CRBN: variants seen among roughly 807,000 people sequenced by gnomAD.
CRBN encodes cereblon.
In CRBN, 53 loss-of-function variants were observed where a neutral mutation model predicts 62.2. The observed-to-expected ratio is 0.85, with a 90% CI of 0.68 to 1.07. The LOEUF is 1.07. Among genes scored for constraint, CRBN ranks in the 50% least tolerant of loss-of-function variants. CRBN has a pLI of 0.00. For missense variants in CRBN, 616 were observed against 531.1 expected (o/e 1.16, Z -1.57); for synonymous variants, 208 against 176.1 (o/e 1.18, Z -1.43).
chr3:3,165,567 A>G (rs568906048), intron 5 of CRBN, among the ~76,000 whole-genome samples: 3 of 152,216 alleles, frequency 2.0e-5, no homozygotes, highest in African/African-American at 7.2e-5. Flanking sequence ...TGTATTTTTT[A>G]GCAATAAAGT....
chr3:3,155,170 G>T, intron 6 of CRBN: 1 of 269,670 alleles, frequency 3.7e-6, no homozygotes, highest in South Asian at 6.8e-5. Context: ...TAGGGATTAT[G>T]GCACCTATAA....
chr3:3,156,330 T>C (rs1442731549), intron 5 of CRBN, 49 bp from the exon 6 acceptor site: 1 of 1,505,992 alleles, frequency 6.6e-7, no homozygotes, highest in South Asian at 1.1e-5. Context: ...GAATAAAGAT[T>C]CTAATGCTGG....
At chr3:3,151,491 AG>A (rs934394939) in intron 10 of CRBN, among the ~76,000 whole-genome samples, 15 of 58,882 alleles carry the variant, frequency 2.5e-4, no homozygotes, top group African/African-American at 5.2e-4. Context: ...CGTCTCAAAA[AG>A]TAAATATTTA....
chr3:3,154,980 C>A, intron 6 of CRBN, 149 bp from the exon 7 acceptor site: 1 of 648,188 alleles, frequency 1.5e-6, no homozygotes, highest in South Asian at 1.8e-5. Context: ...TTTTCGTATG[C>A]AGCAATGATC....
At chr3:3,164,566 G>A (rs1191306461) in intron 5 of CRBN, among the ~76,000 whole-genome samples, 1 of 152,202 alleles carries the variant, frequency 6.6e-6, no homozygotes, top group Non-Finnish European at 1.5e-5. Context: ...AATCTACTCT[G>A]CCTGTGCTCT....
At chr3:3,172,553 A>G (rs1438169564) in intron 4 of CRBN, 2 of 571,108 alleles carry the variant, frequency 3.5e-6, no homozygotes, top group African/African-American at 3.7e-5. Context: ...CTCTCTGGAG[A>G]TGGGAGATGA....
At position 3,167,660 on chromosome 3, in the gene CRBN, A is replaced by G; in HGVS notation, c.661T>C (p.Tyr221His). The G allele has an allele frequency of 1.9e-6, 3 of 1,613,208 alleles. No individual in the cohort carries two copies. Among genetic ancestry groups the G allele is most frequent in the Non-Finnish European group, 2.5e-6 (3 of 1,179,442 alleles). The change falls in exon 5 of 11, where the codon TAT becomes CAT. Residue 221 changes from tyrosine (Y) to histidine (H), a missense_variant. By Grantham distance (83) the Tyr-to-His change is moderately conservative. Transcript: ENST00000231948. Reference protein sequence around the residue: ...KPVSREDQCSYKWWQKYQKRK... With the variant: ...KPVSREDQCSHKWWQKYQKRK... ...TTCTGGTATTTCTGCCACCATTTAT[A>G]TGAACATTGGTCTTCTCTTGAGACA... is the stretch of plus-strand genomic sequence containing the variant.
intron 5 of CRBN, among the ~76,000 whole-genome samples, chr3:3,161,957 T>C (rs1707158993): frequency 6.6e-6 from 1 of 152,208 alleles, no homozygotes; most frequent in African/African-American, 2.4e-5. Flanking sequence ...TACGTATCCT[T>C]CTGTATAAGA....
Position 3,167,775 on chromosome 3 carries a change from C to T in CRBN, c.546G>A (p.Val182=), listed in dbSNP as rs773150337. 11 of 1,613,460 alleles carry T rather than the reference C, an allele frequency of 6.8e-6. No homozygotes were observed. Among genetic ancestry groups the T allele is most frequent in the Non-Finnish European group, 9.3e-6 (11 of 1,179,546 alleles). The change falls in exon 5 of 11, where the codon GTG becomes GTA. Residue 182 remains valine (V), a synonymous_variant. Coordinates refer to ENST00000231948, the MANE Select transcript of CRBN (RefSeq NM_016302.4). ...GCAACACACATTCGGGAAGAATTTGCACTTTAGCTTGCTGGATTCTAAAAT... is the reference window on the plus strand; with the variant it reads ...GCAACACACATTCGGGAAGAATTTGTACTTTAGCTTGCTGGATTCTAAAAT... ...TQSDGIQQAK[V]QILPECVLPS... is the part of the protein sequence containing the mutation.
chr3:3,172,555 G>A (rs1396038130), intron 4 of CRBN: 2 of 572,860 alleles, frequency 3.5e-6, no homozygotes, highest in Non-Finnish European at 6.2e-6. Flanking sequence ...CTCTGGAGAT[G>A]GGAGATGAGG....
Position 3,152,534 on chromosome 3 carries a change from T to C in CRBN, c.1070A>G (p.His357Arg). ...AGCCTTATACACAGTAAGTGTCTCA[T>C]GCACATATCCATGAGGATTCACATA... ...AAYVNPHGYV[H>R]ETLTVYKACN... The change falls in exon 10 of 11, where the codon CAT (histidine) becomes CGT (arginine). Residue 357 changes from histidine to arginine, a missense_variant. By Grantham distance (29) the His-to-Arg change is conservative. Transcript: ENST00000231948. The C allele has an allele frequency of 6.2e-7, 1 of 1,614,048 alleles. No homozygotes were observed. The highest frequency in any genetic ancestry group is 8.5e-7 in the Non-Finnish European group (1 of 1,179,978).
chr3:3,150,895 T>G lies in CRBN; in HGVS notation c.1299A>C (p.Ile433=). ...AGCAAAGTATTACTTTGTCTGGACT[T>G]ATTTCATCTTCAGTGTCTGGGATCG... ...LPTIPDTEDE[I]SPDKVILCL is the part of the protein sequence containing the mutation. The change falls in exon 11 of 11, where the codon ATA becomes ATC. Residue 433 remains isoleucine (I), a synonymous_variant. Transcript: ENST00000231948. 6.2e-7 allele frequency: 1 copy of G among 1,613,970 alleles called. No individual in the cohort carries two copies. The highest frequency in any genetic ancestry group is 8.5e-7 in the Non-Finnish European group (1 of 1,179,910).
chr3:3,179,511 G>T, intron 1 of CRBN, 110 bp downstream of exon 1: 1 of 1,062,362 alleles, frequency 9.4e-7, no homozygotes, highest in Non-Finnish European at 1.4e-6. Context: ...CTGCTGGGCT[G>T]GCTCGCCAGG....
chr3:3,168,134 A>G (rs1488323795), intron 4 of CRBN, among the ~76,000 whole-genome samples: 4 of 151,538 alleles, frequency 2.6e-5, no homozygotes, highest in African/African-American at 9.8e-5. Context: ...TGATACTTCT[A>G]CTTTCTTAAA....
chr3:3,179,145 T>G (rs1485708364), intron 1 of CRBN, among the ~76,000 whole-genome samples: 1 of 152,042 alleles, frequency 6.6e-6, no homozygotes, highest in Non-Finnish European at 1.5e-5. Context: ...GCTTATCAAA[T>G]CGGAAACTGA....
chr3:3,169,168 C>T (rs1301861935), intron 4 of CRBN, among the ~76,000 whole-genome samples: 1 of 152,148 alleles, frequency 6.6e-6, no homozygotes, highest in Non-Finnish European at 1.5e-5. Context: ...GTTAATTAGT[C>T]TGCAGTACAA....
intron 5 of CRBN, 74 bp downstream of exon 5, chr3:3,167,556 TTGTG>T (rs1252111830): frequency 1.4e-6 from 2 of 1,380,748 alleles, no homozygotes; most frequent in South Asian, 2.4e-5. Context: ...ATCATGAAAG[TTGTG>T]TTTCTTTCTT....
intron 5 of CRBN, among the ~76,000 whole-genome samples, chr3:3,160,641 T>C (rs981697716): frequency 3.9e-5 from 6 of 152,244 alleles, no homozygotes; most frequent in Non-Finnish European, 7.3e-5. Flanking sequence ...TTCTTACGAT[T>C]ATTATCCTGG....
intron 4 of CRBN, among the ~76,000 whole-genome samples, chr3:3,170,977 G>C (rs552087502): frequency 1.2e-4 from 19 of 152,188 alleles, no homozygotes; most frequent in African/African-American, 4.6e-4. Context: ...GGCTAACTTT[G>C]TATTTTTAGT....
Sources: allele counts gnomAD v4.1 joint callset (sites outside exome capture counted in the v4.1 genomes callset), GRCh38; gene constraint gnomAD v4.1.1; transcripts MANE v1.5; gene names NCBI Gene and HGNC (gene_info 2026-07-23, HGNC 2026-07-21).